GOLGA6L2: variants seen among roughly 807,000 people sequenced by gnomAD.
The protein encoded by GOLGA6L2 is golgin subfamily A member 6-like protein 2.
In GOLGA6L2, 30 loss-of-function variants were observed where a neutral mutation model predicts 35.9. The ratio of observed to expected loss-of-function variants is 0.83; its 90% CI spans 0.62 to 1.13. GOLGA6L2 has a LOEUF of 1.13. Among genes scored for constraint, GOLGA6L2 ranks in the 50% most tolerant of loss-of-function variants. GOLGA6L2 has a pLI of 0.00. For synonymous variants in GOLGA6L2, 297 were observed against 344.0 expected (o/e 0.86, Z 1.51); for missense variants, 821 against 973.4 (o/e 0.84, Z 2.08).
At chr15:23,443,643 C>A (rs1390764114) in intron 5 of GOLGA6L2, 134 bp downstream of exon 5, 3 of 824,942 alleles carry the variant, frequency 3.6e-6, no homozygotes, top group African/African-American at 3.3e-5. Flanking sequence ...CTAATAACCA[C>A]ACACAAAAGC....
chr15:23,444,461 A>T lies in GOLGA6L2; in HGVS notation c.243+10T>A. 1 of 1,600,660 alleles carries T rather than the reference A, an allele frequency of 6.2e-7. No homozygotes were observed. Among genetic ancestry groups the T allele is most frequent in the Non-Finnish European group, 8.5e-7 (1 of 1,179,712 alleles). ...CAGCAGTCATGTCGTGAGCAAACAA[A>T]TCACGTTACTTCTTTCAGCTGCGCT... On this transcript the variant is annotated intron_variant, in intron 3 of 7. Transcript: ENST00000567107.
At chr15:23,446,305 G>C (rs574702453) in intron 1 of GOLGA6L2, among the ~76,000 whole-genome samples, 20 of 152,132 alleles carry the variant, frequency 1.3e-4, no homozygotes, top group Admixed American at 2.0e-4. Flanking sequence ...GAGTTCACAG[G>C]GGGAGGTGTA....
chr15:23,442,508 A>G lies in GOLGA6L2; in HGVS notation c.592T>C (p.Tyr198His), dbSNP rs529515220. Residue 198 changes from tyrosine (Y) to histidine (H), a missense_variant and splice_region_variant, in exon 6 of 8, where the codon TAC (tyrosine) becomes CAC (histidine). Coordinates refer to ENST00000567107, the MANE Select transcript of GOLGA6L2 (RefSeq NM_001304388.2). ...VSTWHKKADR[Y>H]IEELTKERDA... Reference sequence around the variant, plus strand: ...CTCTCCTTTGTTAACTCCTCGATGTACTGCAAATAGAGAAAGGTTAAGTCA... The same window carrying G: ...CTCTCCTTTGTTAACTCCTCGATGTGCTGCAAATAGAGAAAGGTTAAGTCA... 123 of 1,591,136 alleles carry G rather than the reference A, an allele frequency of 7.7e-5. 2 individuals are homozygous for G. In the South Asian group the frequency reaches 1.1e-3, roughly 14 times the overall value.
chr15:23,442,379 C>T (rs1429652509), intron 6 of GOLGA6L2, 71 bp downstream of exon 6: 14 of 1,150,472 alleles, frequency 1.2e-5, no homozygotes, highest in African/African-American at 1.6e-5. Flanking sequence ...CTCACCTGTA[C>T]CCCCCACCTC....
chr15:23,441,591 A>C lies in GOLGA6L2; in HGVS notation c.884T>G (p.Met295Arg). The change falls in exon 8 of 8, where the codon ATG becomes AGG. Residue 295 changes from methionine to arginine, a missense_variant. Coordinates refer to ENST00000567107, the MANE Select transcript of GOLGA6L2 (RefSeq NM_001304388.2). Reference protein sequence around the residue: ...EKKIRKQEEKMWRQEERLREQ... With the variant: ...EKKIRKQEEKRWRQEERLREQ... ...CCGCAGTCTCTCCTCCTGTCTCCACATCTTCTCCTCCTGCTTCCGTATCTT... is the reference window on the plus strand; with the variant it reads ...CCGCAGTCTCTCCTCCTGTCTCCACCTCTTCTCCTCCTGCTTCCGTATCTT... 4 of 1,549,316 alleles carry C rather than the reference A, an allele frequency of 2.6e-6. No individual in the cohort carries two copies. The highest frequency in any genetic ancestry group is 3.5e-6 in the Non-Finnish European group (4 of 1,146,822).
chr15:23,442,178 T>C, intron 6 of GOLGA6L2, 58 bp from the exon 7 acceptor site: 2 of 1,531,692 alleles, frequency 1.3e-6, no homozygotes, highest in Non-Finnish European at 1.8e-6. Flanking sequence ...ACTGCTTTGG[T>C]GATCAACCCT....
intron 5 of GOLGA6L2, 143 bp from the exon 6 acceptor site, chr15:23,442,651 C>T (rs1308945353): frequency 3.9e-6 from 3 of 769,436 alleles, no homozygotes; most frequent in African/African-American, 3.6e-5. Context: ...AATTCCAAGC[C>T]CATGGTCTCA....
Position 23,442,025 on chromosome 15 carries a change from T to C in GOLGA6L2, c.746A>G (p.Lys249Arg). 1 of 1,545,042 alleles carries C rather than the reference T, an allele frequency of 6.5e-7. No individual in the cohort carries two copies. ...CCTCTCCAGTTTCCTTTTTAGCTCC[T>C]TCACGTTGAGCTGGATCTCAGACTT... ...SEKSEIQLNV[K>R]ELKRKLERAK... Residue 249 changes from lysine (K) to arginine (R), a missense_variant, in exon 7 of 8, where the codon AAG (lysine) becomes AGG (arginine). This residue lies in a region of GOLGA6L2 where 614 missense variants were observed against 632.3 expected (regional missense o/e 0.97). Transcript: ENST00000567107.
Position 23,444,080 on chromosome 15 carries a change from G to A in GOLGA6L2, c.295-7C>T. 1 of 1,573,394 alleles carries A rather than the reference G, an allele frequency of 6.4e-7. No individual in the cohort carries two copies. The highest frequency in any genetic ancestry group is 8.6e-7 in the Non-Finnish European group (1 of 1,164,890). On this transcript the variant is annotated splice_polypyrimidine_tract_variant and splice_region_variant and intron_variant, in intron 4 of 7. Coordinates refer to ENST00000567107, the MANE Select transcript of GOLGA6L2 (RefSeq NM_001304388.2). ...GTATTGTATGATCCTGGGCCTTTGGGAGAAAAGACAAGCAAGTGCTGAAAG... is the reference window on the plus strand; with the variant it reads ...GTATTGTATGATCCTGGGCCTTTGGAAGAAAAGACAAGCAAGTGCTGAAAG...
At chr15:23,443,548 T>C (rs1454297779) in intron 5 of GOLGA6L2, among the ~76,000 whole-genome samples, 2 of 152,192 alleles carry the variant, frequency 1.3e-5, no homozygotes, top group South Asian at 2.1e-4. Flanking sequence ...GGCAGGCTCT[T>C]GGCCTTGGAG....
chr15:23,439,475 C>A lies in GOLGA6L2; in HGVS notation c.*270G>T. ...TTTTTTTTTTTTTTTCAAGTTTGTG[C>A]TCAGACTATATTCACACAGTGACAT... is the stretch of plus-strand genomic sequence containing the variant. On this transcript the variant is annotated 3_prime_UTR_variant, in exon 8 of 8. Coordinates refer to ENST00000567107, the MANE Select transcript of GOLGA6L2 (RefSeq NM_001304388.2). 2 of 591,716 alleles carry A rather than the reference C, an allele frequency of 3.4e-6. No individual in the cohort carries two copies. Among genetic ancestry groups the A allele is most frequent in the Non-Finnish European group, 5.2e-6 (2 of 384,358 alleles). 36.7% of individuals were successfully genotyped at this position (591,716 alleles called of 1,614,324 possible). A position where few individuals can be genotyped will look rare whatever the true frequency, so the allele number is the denominator to read the frequency against.
Position 23,440,590 on chromosome 15 carries a change from C to T in GOLGA6L2, c.1885G>A (p.Gly629Arg), listed in dbSNP as rs1295580440. 14 of 1,370,822 alleles carry T rather than the reference C, an allele frequency of 1.0e-5. No homozygotes were observed. Among genetic ancestry groups the T allele is most frequent in the East Asian group, 2.6e-5 (1 of 39,098 alleles). The allele number at this position is 1,370,822 out of a possible 1,614,324, so 84.9% of individuals were successfully genotyped here. A position where few individuals can be genotyped will look rare whatever the true frequency, so the allele number is the denominator to read the frequency against. Reference protein sequence around the residue: ...DMGPGGEDARGGEDAGAGEED... With the variant: ...DMGPGGEDARRGEDAGAGEED... ...TCTCCCGCTCCCGCATCCTCTCCTC[C>T]TCTCGCATCTTCTCCTCCTGGTCCC... Residue 629 changes from glycine (G) to arginine (R), a missense_variant, in exon 8 of 8, where the codon GGA becomes AGA. By Grantham distance (125) the Gly-to-Arg change is moderately radical (BLOSUM62 -2). Around this residue, in one of 7 missense-constraint regions of GOLGA6L2, gnomAD observed 99 missense variants for 199.9 expected, o/e 0.50. Coordinates refer to ENST00000567107, the MANE Select transcript of GOLGA6L2 (RefSeq NM_001304388.2).
In GOLGA6L2 at chr15:23,447,185, C is replaced by A. The variant is rs899639152; in HGVS notation, c.-4G>T. On this transcript the variant is annotated 5_prime_UTR_variant, in exon 1 of 8. Coordinates refer to ENST00000567107, the MANE Select transcript of GOLGA6L2 (RefSeq NM_001304388.2). ...GGAGGTGGGGTTGGGGCCACATCAG[C>A]GTGATTCAGACGAGGACAAGGATAC... The A allele has an allele frequency of 3.2e-6, 5 of 1,548,000 alleles. No individual in the cohort carries two copies. Among genetic ancestry groups the A allele is most frequent in the Non-Finnish European group, 4.5e-6 (5 of 1,123,430 alleles).
rs2070683967 is a variant in GOLGA6L2, at chr15:23,441,322, T to C, written c.1153A>G (p.Met385Val). Reference sequence around the variant, plus strand: ...CGCATCTTCTGCTCCTGCTCCCGCATCTGCTTCTCCTGCTCCCACAGCCTC... The same window carrying C: ...CGCATCTTCTGCTCCTGCTCCCGCACCTGCTTCTCCTGCTCCCACAGCCTC... Reference protein sequence around the residue: ...EERLWEQEKQMREQEQKMRDQ... With the variant: ...EERLWEQEKQVREQEQKMRDQ... The change falls in exon 8 of 8, where the codon ATG (methionine) becomes GTG (valine). Residue 385 changes from methionine to valine, a missense_variant. Coordinates refer to ENST00000567107, the MANE Select transcript of GOLGA6L2 (RefSeq NM_001304388.2). The C allele has an allele frequency of 2.0e-6, 3 of 1,533,634 alleles. No homozygotes were observed. The African/African-American group carries it at 4.3e-5, about 22-fold the overall frequency.
At position 23,440,034 on chromosome 15, in the gene GOLGA6L2, C is replaced by T. The variant is rs2070637700; in HGVS notation, c.2441G>A (p.Gly814Glu). The T allele has an allele frequency of 1.3e-6, 1 of 763,376 alleles. No homozygotes were observed. Among genetic ancestry groups the T allele is most frequent in the African/African-American group, 1.8e-5 (1 of 55,116 alleles). The allele number at this position is 763,376 out of a possible 1,614,324, so 47.3% of individuals were successfully genotyped here. A position where few individuals can be genotyped will look rare whatever the true frequency, so the allele number is the denominator to read the frequency against. Residue 814 changes from glycine (G) to glutamate (E), a missense_variant, in exon 8 of 8, where the codon GGA (glycine) becomes GAA (glutamate). Physicochemically the swap from Gly to Glu is moderately conservative, Grantham distance 98. Around this residue, in one of 7 missense-constraint regions of GOLGA6L2, gnomAD observed 99 missense variants for 199.9 expected, o/e 0.50. Coordinates refer to ENST00000567107, the MANE Select transcript of GOLGA6L2 (RefSeq NM_001304388.2). ...TCCTCCTGGCCCTGCATCTTCTCCT[C>T]CTGCTCCCGCATCTTCTCCTCCTGC... is the stretch of plus-strand genomic sequence containing the variant. ...AGAGGEDAGA[G>E]GEDAGPGGED... is the part of the protein sequence containing the mutation.
At position 23,440,296 on chromosome 15, in the gene GOLGA6L2, G is replaced by C. The variant is rs772933055; in HGVS notation, c.2179C>G (p.Pro727Ala). Reference sequence around the variant, plus strand: ...CCTGCTCCCACATCCTCTCCTTCTGGTCCCACATCTTCTGCTCCTGATCTC... The same window carrying C: ...CCTGCTCCCACATCCTCTCCTTCTGCTCCCACATCTTCTGCTCCTGATCTC... ...SRRSGAEDVG[P>A]EGEDVGAGRE... Residue 727 changes from proline (P) to alanine (A), a missense_variant, in exon 8 of 8, where the codon CCA becomes GCA. Coordinates refer to ENST00000567107, the MANE Select transcript of GOLGA6L2 (RefSeq NM_001304388.2). The C allele has an allele frequency of 2.8e-3, 331 of 116,660 alleles. 8 individuals carry two copies. The highest frequency in any genetic ancestry group is 5.2e-3 in the East Asian group (36 of 6,918). The allele number at this position is 116,660 out of a possible 1,614,324, so 7.2% of individuals were successfully genotyped here. A position where few individuals can be genotyped will look rare whatever the true frequency, so the allele number is the denominator to read the frequency against.
chr15:23,444,325 G>C, intron 3 of GOLGA6L2, 113 bp from the exon 4 acceptor site: 1 of 1,475,594 alleles, frequency 6.8e-7, no homozygotes, highest in Non-Finnish European at 9.3e-7. Flanking sequence ...ATGGGACCAG[G>C]TTATCAGGGA....
rs1300227089 is a variant in GOLGA6L2, at chr15:23,439,824, C to T, written c.2651G>A (p.Arg884Lys). 2 of 1,535,176 alleles carry T rather than the reference C, an allele frequency of 1.3e-6. No homozygotes were observed. Among genetic ancestry groups the T allele is most frequent in the African/African-American group, 2.8e-5 (2 of 72,190 alleles). The change falls in exon 8 of 8, where the codon AGA (arginine) becomes AAA (lysine). Residue 884 changes from arginine (R) to lysine (K), a missense_variant. Physicochemically the swap from Arg to Lys is conservative, Grantham distance 26. This residue lies in a region of GOLGA6L2 where 48 missense variants were observed against 42.7 expected (regional missense o/e 1.12). Coordinates refer to ENST00000567107, the MANE Select transcript of GOLGA6L2 (RefSeq NM_001304388.2). ...REGGEDTRSE[R>K]EDAGEAARAR... ...TCTGGCAGCCTCTCCTGCATCTTCT[C>T]TTTCTGATCTCGTATCCTCTCCTCC...
Position 23,440,753 on chromosome 15 carries a change from T to G in GOLGA6L2, c.1722A>C (p.Gly574=). 1 of 1,523,386 alleles carries G rather than the reference T, an allele frequency of 6.6e-7. No individual in the cohort carries two copies. 94.4% of individuals were successfully genotyped at this position (1,523,386 alleles called of 1,614,324 possible). A position where few individuals can be genotyped will look rare whatever the true frequency, so the allele number is the denominator to read the frequency against. Residue 574 remains glycine, a synonymous_variant, in exon 8 of 8, where the codon GGA becomes GGC. Transcript: ENST00000567107. ...CTGCTCCCACATCCTCTCCTCCTGGTCCCACATCTTCTGCTCCTGATCCCG... is the reference window on the plus strand; with the variant it reads ...CTGCTCCCACATCCTCTCCTCCTGGGCCCACATCTTCTGCTCCTGATCCCG... ...EDAGSGAEDV[G]PGGEDVGAGR...
Sources: gnomAD v4.1 joint callset for allele counts (sites outside exome capture counted in the v4.1 genomes callset) on GRCh38, gnomAD v4.1.1 for gene constraint, gnomAD v4.1.1 regional missense constraint, MANE v1.5 for transcripts, NCBI Gene and HGNC (gene_info 2026-07-23, HGNC 2026-07-21) for gene names.